The following RIMS2 variants were observed in gnomAD, a reference collection of about 807,000 sequenced individuals.
RIMS2 encodes regulating synaptic membrane exocytosis 2, also known as regulating synaptic membrane exocytosis protein 2.
RIMS2 carries 59 observed loss-of-function variants against 174.4 expected under a neutral mutation model. That is an observed-to-expected ratio of 0.34 (90% CI 0.27 to 0.42). RIMS2 has a LOEUF of 0.42. Ranked by LOEUF, RIMS2 falls within the 10% of genes least tolerant of loss-of-function variation. The probability of loss-of-function intolerance (pLI) is 1.00; values close to 1 mark genes in which losing one functional copy is unlikely to be tolerated. For synonymous variants in RIMS2, 606 were observed against 572.5 expected (o/e 1.06, Z -0.84); for missense variants, 1,620 against 1,666.3 (o/e 0.97, Z 0.48).
intron 1 of RIMS2, among the ~76,000 whole-genome samples, chr8:103,598,782 A>T: frequency 6.6e-6 from 1 of 152,180 alleles, no homozygotes. Flanking sequence ...TTCAACAAAT[A>T]CTTGTTCCAA....
rs576579405 is a variant in RIMS2, at chr8:104,107,801, T to C, written c.3334+93186T>C. 5.8e-4 allele frequency among the ~76,000 whole-genome samples: 89 copies of C among 152,238 alleles called. 1 individual carries two copies. Among genetic ancestry groups the C allele is most frequent in the Non-Finnish European group, 1.1e-3 (72 of 68,002 alleles). On this transcript the variant is annotated intron_variant, in intron 19 of 23. Transcript: ENST00000504942. ...CATCTCTACAAAAACTTTAAAAAAA[T>C]TACCCTGTGATGGCACATGCCAAGG...
chr8:103,714,297 A>G (rs1041419301), intron 2 of RIMS2, among the ~76,000 whole-genome samples: 3 of 152,216 alleles, frequency 2.0e-5, no homozygotes, highest in Non-Finnish European at 2.9e-5. Flanking sequence ...CACTGTGATA[A>G]TGTTTTATGG....
Position 103,528,037 on chromosome 8 carries a change from T to A in RIMS2, c.176+26975T>A, listed in dbSNP as rs558499732. ...GTAAAAGTGTTTCTATTTCTCCACA[T>A]CCTCTCCAGCACCTGTTGTTTCCTG... On this transcript the variant is annotated intron_variant, in intron 1 of 23. Transcript: ENST00000504942. Among the ~76,000 whole-genome samples the A allele has an allele frequency of 6.6e-5, 10 of 152,298 alleles. No homozygotes were observed. In the East Asian group the frequency reaches 1.9e-3, roughly 29 times the overall value.
chr8:104,223,691 C>A lies in RIMS2; in HGVS notation c.3335-21225C>A, dbSNP rs73696509. On this transcript the variant is annotated intron_variant, in intron 19 of 23. Transcript: ENST00000504942. The stretch of plus-strand genomic sequence containing the variant: ...CTTGGGGGGTGCCAGCGCTGCGGGG[C>A]GCTCCATGCAGCGCTCCCAGAGCCG... 24 of 1,591,482 alleles carry A rather than the reference C, an allele frequency of 1.5e-5. No homozygotes were observed. In the African/African-American group the frequency reaches 3.1e-4, roughly 20 times the overall value.
Position 103,638,178 on chromosome 8 carries a change from C to T in RIMS2, c.177-58908C>T, listed in dbSNP as rs551242178. Among the ~76,000 whole-genome samples, 25 of 151,726 alleles carry T rather than the reference C, an allele frequency of 1.6e-4. No individual in the cohort carries two copies. The East Asian group carries it at 4.6e-3, about 28-fold the overall frequency. On this transcript the variant is annotated intron_variant, in intron 1 of 23. Transcript: ENST00000504942. ...TGCAAGTGGGTCACTAATTTCAGTC[C>T]CTATTTGAGGGGAGAGGAATTAAGC...
At chr8:103,851,332 T>C (rs1283550130) in intron 3 of RIMS2, among the ~76,000 whole-genome samples, 1 of 151,862 alleles carries the variant, frequency 6.6e-6, no homozygotes, top group African/African-American at 2.4e-5. Flanking sequence ...TTGCTAGTTA[T>C]GTATAAAGTT....
In RIMS2 at chr8:104,075,610, G is replaced by A. The variant is rs139898455; in HGVS notation, c.3334+60995G>A. Among the ~76,000 whole-genome samples the A allele has an allele frequency of 7.2e-5, 11 of 152,166 alleles. No homozygotes were observed. The East Asian group carries it at 1.5e-3, about 21-fold the overall frequency. Reference sequence around the variant, plus strand: ...AATGAAACACATCACTTCTATAAACGCTTATTTTACTTTTTCATATTTTCC... The same window carrying A: ...AATGAAACACATCACTTCTATAAACACTTATTTTACTTTTTCATATTTTCC... On this transcript the variant is annotated intron_variant, in intron 19 of 23. Transcript: ENST00000504942.
At chr8:103,836,601 C>T (rs1308096530) in intron 3 of RIMS2, among the ~76,000 whole-genome samples, 2 of 152,056 alleles carry the variant, frequency 1.3e-5, no homozygotes, top group East Asian at 3.8e-4. Flanking sequence ...TTTCCTATGC[C>T]AATGTATTTT....
chr8:103,531,036 G>A (rs746183923), intron 1 of RIMS2, among the ~76,000 whole-genome samples: 1 of 150,674 alleles, frequency 6.6e-6, no homozygotes, highest in African/African-American at 2.4e-5. Context: ...AATGAGAAAC[G>A]TTAACACATA....
intron 3 of RIMS2, among the ~76,000 whole-genome samples, chr8:103,795,150 G>C (rs1054481851): frequency 2.6e-5 from 4 of 152,128 alleles, no homozygotes; most frequent in Non-Finnish European, 5.9e-5. Flanking sequence ...GTTTATTGTG[G>C]CACTATTCAC....
chr8:103,759,119 C>T (rs78988948), intron 2 of RIMS2, among the ~76,000 whole-genome samples: 2,662 of 152,230 alleles, frequency 0.017, 38 homozygotes, highest in Non-Finnish European at 0.028. Context: ...GGCTTTGACT[C>T]AGGACGAGGA....
At chr8:103,838,517 G>T (rs370961145) in intron 3 of RIMS2, among the ~76,000 whole-genome samples, 1 of 152,114 alleles carries the variant, frequency 6.6e-6, no homozygotes. Flanking sequence ...TTTCAACAAG[G>T]CTAAACTATT....
At chr8:103,587,414 AAG>A (rs1491133322) in intron 1 of RIMS2, among the ~76,000 whole-genome samples, 2 of 37,784 alleles carry the variant, frequency 5.3e-5, no homozygotes, top group African/African-American at 1.4e-4. Context: ...AAAAAGAAGA[AAG>A]AAAGAAAGAA....
chr8:104,075,647 T>G (rs1392211519), intron 19 of RIMS2, among the ~76,000 whole-genome samples: 1 of 152,232 alleles, frequency 6.6e-6, no homozygotes, highest in African/African-American at 2.4e-5. Flanking sequence ...ATTATTTTAT[T>G]TATTTCTTCA....
At chr8:103,576,296 C>A (rs1448538490) in intron 1 of RIMS2, among the ~76,000 whole-genome samples, 1 of 152,164 alleles carries the variant, frequency 6.6e-6, no homozygotes, top group Non-Finnish European at 1.5e-5. Flanking sequence ...AAAAAACAAA[C>A]AACCATAAGA....
intron 2 of RIMS2, among the ~76,000 whole-genome samples, chr8:103,726,142 A>G (rs2097525251): frequency 6.6e-6 from 1 of 152,284 alleles, no homozygotes; most frequent in East Asian, 1.9e-4. Flanking sequence ...AGCAATATGC[A>G]TTTATTATGC....
chr8:103,555,481 A>T (rs1228180256), intron 1 of RIMS2, among the ~76,000 whole-genome samples: 1 of 152,164 alleles, frequency 6.6e-6, no homozygotes, highest in Non-Finnish European at 1.5e-5. Context: ...CTAGAAAGAG[A>T]ACTAACATAT....
intron 19 of RIMS2, among the ~76,000 whole-genome samples, chr8:104,088,663 A>G (rs60380097): frequency 0.23 from 35,690 of 151,958 alleles, 4,500 homozygotes; most frequent in African/African-American, 0.33. Context: ...AAGGAAGTTC[A>G]TAATCCTGCC....
chr8:103,639,221 C>T (rs1189375462), intron 1 of RIMS2, among the ~76,000 whole-genome samples: 1 of 151,828 alleles, frequency 6.6e-6, no homozygotes, highest in Non-Finnish European at 1.5e-5. Context: ...CTCCTTTATT[C>T]CTGACTCTCT....
Sources: allele counts gnomAD v4.1 joint callset (sites outside exome capture counted in the v4.1 genomes callset), GRCh38; gene constraint gnomAD v4.1.1; transcripts MANE v1.5; gene names NCBI Gene and HGNC (gene_info 2026-07-23, HGNC 2026-07-21).